The following DPH7 variants were observed in gnomAD, a reference collection of about 807,000 sequenced individuals.
DPH7 encodes diphthamide biosynthesis 7.
A neutral mutation model predicts 41.7 loss-of-function variants in DPH7; 44 were observed. The ratio of observed to expected loss-of-function variants is 1.05; its 90% CI spans 0.83 to 1.36. The LOEUF (loss-of-function observed/expected upper bound fraction) is 1.36. Ranked by LOEUF, DPH7 falls within the 40% of genes most tolerant of loss-of-function variation. The probability of loss-of-function intolerance (pLI) is 0.00; values close to 1 mark genes in which losing one functional copy is unlikely to be tolerated. For missense variants in DPH7, 629 were observed against 577.5 expected (o/e 1.09, Z -0.91); for synonymous variants, 275 against 238.0 (o/e 1.16, Z -1.43).
intron 5 of DPH7, among the ~76,000 whole-genome samples, 180 bp downstream of exon 5, chr9:137,574,028 T>G (rs998319176): frequency 6.6e-6 from 1 of 152,180 alleles, no homozygotes; most frequent in African/African-American, 2.4e-5. Flanking sequence ...ATCGTGCCAC[T>G]GCACTCTAGC....
Position 137,578,793 on chromosome 9 carries a change from G to C in DPH7, c.-16C>G. On this transcript the variant is annotated 5_prime_UTR_variant, in exon 1 of 9. Transcript: ENST00000277540. The stretch of plus-strand genomic sequence containing the variant: ...AGCCCATCATCCAGCCCTCGGGGAA[G>C]GGCGCGGAGCCGGCAGTAGAGGCGG... 2.8e-6 allele frequency: 4 copies of C among 1,451,652 alleles called. No individual in the cohort carries two copies. The highest frequency in any genetic ancestry group is 3.6e-6 in the Non-Finnish European group (4 of 1,098,544). The allele number at this position is 1,451,652 out of a possible 1,614,324, so 89.9% of individuals were successfully genotyped here. A position where few individuals can be genotyped will look rare whatever the true frequency, so the allele number is the denominator to read the frequency against.
rs180794526 is a variant in DPH7 at position 137,575,040 on chromosome 9, G to A, written c.376-197C>T. ...CCCGAGAAGACCTGGGGACACTGGAGCTCACACTCCTCACACTTGCAGGAC... is the reference window on the plus strand; with the variant it reads ...CCCGAGAAGACCTGGGGACACTGGAACTCACACTCCTCACACTTGCAGGAC... On this transcript the variant is annotated intron_variant, in intron 3 of 8. Coordinates refer to ENST00000277540, the MANE Select transcript of DPH7 (RefSeq NM_138778.5). The A allele has an allele frequency of 3.7e-5, 51 of 1,385,842 alleles. No homozygotes were observed. In the African/African-American group the frequency reaches 7.2e-4, roughly 19 times the overall value. The allele number at this position is 1,385,842 out of a possible 1,614,324, so 85.8% of individuals were successfully genotyped here.
chr9:137,556,557 G>C lies in DPH7; in HGVS notation c.950-909C>G. Reference sequence around the variant, plus strand: ...AACGTGCCGAGGTTGTATGGGCCTGGGCCGGGGAGGCCCAACCCTGGGCCC... The same window carrying C: ...AACGTGCCGAGGTTGTATGGGCCTGCGCCGGGGAGGCCCAACCCTGGGCCC... On this transcript the variant is annotated intron_variant, in intron 8 of 8. Coordinates refer to ENST00000277540, the MANE Select transcript of DPH7 (RefSeq NM_138778.5). The surrounding 1 kb of genome is among the most constrained non-coding windows in gnomAD (Gnocchi z 5.2). 1 of 319,846 alleles carries C rather than the reference G, an allele frequency of 3.1e-6. No individual in the cohort carries two copies. The highest frequency in any genetic ancestry group is 2.5e-5 in the South Asian group (1 of 40,214). 19.8% of individuals were successfully genotyped at this position (319,846 alleles called of 1,614,324 possible).
chr9:137,555,796 C>A (rs1431328279), intron 8 of DPH7, 148 bp from the exon 9 acceptor site: 3 of 864,298 alleles, frequency 3.5e-6, no homozygotes, highest in Non-Finnish European at 5.1e-6. Context: ...GCAAAGGAAC[C>A]AGCAAGACCT....
chr9:137,572,434 G>A (rs552786372), intron 5 of DPH7, among the ~76,000 whole-genome samples: 1 of 152,310 alleles, frequency 6.6e-6, no homozygotes, highest in Non-Finnish European at 1.5e-5. Flanking sequence ...AGTGAGATGC[G>A]ATAAAGTGTG....
chr9:137,564,391 G>T, intron 8 of DPH7, 43 bp downstream of exon 8: 2 of 1,582,750 alleles, frequency 1.3e-6, no homozygotes, highest in Non-Finnish European at 1.7e-6. Flanking sequence ...GCAGGGAACT[G>T]GTGCCCTGCC....
intron 8 of DPH7, among the ~76,000 whole-genome samples, chr9:137,559,736 C>T (rs1233850973): frequency 3.3e-5 from 5 of 152,370 alleles, no homozygotes; most frequent in Middle Eastern, 3.4e-3. Context: ...CCAGTGGACA[C>T]GTGACCCACG....
At chr9:137,560,047 A>G (rs1257861908) in intron 8 of DPH7, among the ~76,000 whole-genome samples, 1 of 152,180 alleles carries the variant, frequency 6.6e-6, no homozygotes, top group Non-Finnish European at 1.5e-5. Flanking sequence ...ATTTTATCAC[A>G]ATTTTTACAA....
At chr9:137,576,796 A>G (rs1217971452) in intron 2 of DPH7, among the ~76,000 whole-genome samples, 3 of 152,062 alleles carry the variant, frequency 2.0e-5, no homozygotes, top group Non-Finnish European at 4.4e-5. Flanking sequence ...AGGCTGACGC[A>G]GGAGAATGGC....
intron 5 of DPH7, among the ~76,000 whole-genome samples, chr9:137,571,116 C>T (rs755421630): frequency 1.3e-5 from 2 of 152,048 alleles, no homozygotes; most frequent in Non-Finnish European, 2.9e-5. Flanking sequence ...TGTGGTCACG[C>T]CATTGCACTC....
rs1394923113 is a variant in DPH7, at chr9:137,556,447, A to C, written c.950-799T>G. Among the ~76,000 whole-genome samples, 7 of 152,228 alleles carry C rather than the reference A, an allele frequency of 4.6e-5. No homozygotes were observed. In the South Asian group the frequency reaches 1.4e-3, roughly 32 times the overall value. On this transcript the variant is annotated intron_variant, in intron 8 of 8. Transcript: ENST00000277540. The surrounding 1 kb of genome is among the most constrained non-coding windows in gnomAD (Gnocchi z 5.2). ...CGCTACCTCTGAAGTACAGGGATTG[A>C]TGCCAGCAGTGACCGGAATCAGAAC...
At chr9:137,575,299 G>A (rs1441951457) in intron 3 of DPH7, 2 of 992,880 alleles carry the variant, frequency 2.0e-6, no homozygotes, top group Non-Finnish European at 2.4e-6. Flanking sequence ...CCATGAGAAC[G>A]TGGTTGCTCT....
Position 137,571,100 on chromosome 9 carries a change from G to A in DPH7, c.640+3108C>T, listed in dbSNP as rs562896785. 3.9e-5 allele frequency among the ~76,000 whole-genome samples: 6 copies of A among 152,080 alleles called. No homozygotes were observed. The East Asian group carries it at 7.7e-4, about 20-fold the overall frequency. On this transcript the variant is annotated intron_variant, in intron 5 of 8. Coordinates refer to ENST00000277540, the MANE Select transcript of DPH7 (RefSeq NM_138778.5). ...TTGACCCTGGGAGGTTAAGGCTGCC[G>A]TGACCTGTGGTCACGCCATTGCACT... is the stretch of plus-strand genomic sequence containing the variant.
intron 8 of DPH7, among the ~76,000 whole-genome samples, chr9:137,559,246 A>G (rs903878912): frequency 6.6e-6 from 1 of 152,238 alleles, no homozygotes; most frequent in African/African-American, 2.4e-5. Context: ...CCAGAAGACA[A>G]GAGTGCGAGC....
chr9:137,576,071 G>A lies in DPH7; in HGVS notation c.375+9C>T, dbSNP rs1841330359. ...CTTCTGCCCCACAGAACAAGTGCAA[G>A]TCACTGACCTCAGATTCCACCAGGC... On this transcript the variant is annotated intron_variant, in intron 3 of 8. Transcript: ENST00000277540. 6.8e-6 allele frequency: 11 copies of A among 1,613,848 alleles called. No individual in the cohort carries two copies. Among genetic ancestry groups the A allele is most frequent in the Non-Finnish European group, 8.5e-6 (10 of 1,180,026 alleles).
In DPH7 at chr9:137,564,748, T is replaced by C. The variant is rs1839269684; in HGVS notation, c.777-142A>G. The C allele has an allele frequency of 4.2e-6, 6 of 1,420,634 alleles. No individual in the cohort carries two copies. In the South Asian group the frequency reaches 6.2e-5, roughly 15 times the overall value. The allele number at this position is 1,420,634 out of a possible 1,614,324, so 88.0% of individuals were successfully genotyped here. On this transcript the variant is annotated intron_variant, in intron 7 of 8. Coordinates refer to ENST00000277540, the MANE Select transcript of DPH7 (RefSeq NM_138778.5). ...CAAAGTCCCCTTTACCAAACCCATA[T>C]ACCTACACTCCGGCGAAGCACTGGC...
At chr9:137,572,320 C>T (rs569185287) in intron 5 of DPH7, among the ~76,000 whole-genome samples, 6 of 152,304 alleles carry the variant, frequency 3.9e-5, no homozygotes, top group East Asian at 1.9e-4. Flanking sequence ...AAAACAAGGC[C>T]GGAGAAGCAG....
rs557510507 is a variant in DPH7 at position 137,561,065 on chromosome 9, G to T, written c.949+3369C>A. 2.2e-4 allele frequency among the ~76,000 whole-genome samples: 33 copies of T among 148,682 alleles called. No individual in the cohort carries two copies. The South Asian group carries it at 2.4e-3, about 11-fold the overall frequency. On this transcript the variant is annotated intron_variant, in intron 8 of 8. Transcript: ENST00000277540. ...AAGAAAAAAAGAAAATCACCATTTT[G>T]CCATTACCATAATTTATTCAAGCAC...
chr9:137,576,422 A>G, intron 2 of DPH7: 1 of 503,864 alleles, frequency 2.0e-6, no homozygotes, highest in Middle Eastern at 5.4e-4. Flanking sequence ...GAAAAGATAC[A>G]GTAAGAATAC....
Sources: gnomAD v4.1 joint callset for allele counts (sites outside exome capture counted in the v4.1 genomes callset) on GRCh38, gnomAD v4.1.1 for gene constraint, Gnocchi (gnomAD v3.1) non-coding constraint, MANE v1.5 for transcripts, NCBI Gene and HGNC (gene_info 2026-07-23, HGNC 2026-07-21) for gene names.